TINAG: variants seen among roughly 807,000 people sequenced by gnomAD.
The protein encoded by TINAG is tubulointerstitial nephritis antigen.
Under a neutral mutation model 72.7 loss-of-function variants are expected in TINAG, and 83 were observed. The ratio of observed to expected loss-of-function variants is 1.14; its 90% CI spans 0.96 to 1.37. The LOEUF is 1.37. Among genes scored for constraint, TINAG ranks in the 40% most tolerant of loss-of-function variants. The pLI, the probability that TINAG is intolerant of heterozygous loss-of-function variation, is 0.00. For missense variants in TINAG, 685 were observed against 576.6 expected, an observed-to-expected ratio of 1.19 and a Z score of -1.93; for synonymous variants, 234 against 189.9, an observed-to-expected ratio of 1.23 and a Z score of -1.91.
intron 6 of TINAG, among the ~76,000 whole-genome samples, chr6:54,348,000 A>G (rs937818925): frequency 6.6e-6 from 1 of 152,116 alleles, no homozygotes; most frequent in African/African-American, 2.4e-5. Flanking sequence ...CATTTGATGA[A>G]AAATGGGGGC....
At chr6:54,358,430 G>A (rs145467642) in intron 9 of TINAG, among the ~76,000 whole-genome samples, 1 of 151,388 alleles carries the variant, frequency 6.6e-6, no homozygotes, top group East Asian at 2.0e-4. Flanking sequence ...GATCAGTAAT[G>A]CACTTAATGT....
chr6:54,339,472 T>C (rs1201085551), intron 4 of TINAG, among the ~76,000 whole-genome samples: 1 of 152,178 alleles, frequency 6.6e-6, no homozygotes, highest in Non-Finnish European at 1.5e-5. Context: ...CAGCTGTCTC[T>C]TAAGGAAAGA....
chr6:54,353,873 C>G (rs1324922212), intron 8 of TINAG, among the ~76,000 whole-genome samples: 1 of 151,710 alleles, frequency 6.6e-6, no homozygotes, highest in Admixed American at 6.6e-5. Context: ...CCTGAATTGC[C>G]AAAGCCCTTC....
chr6:54,356,617 GCTCT>G (rs376544969), intron 9 of TINAG, among the ~76,000 whole-genome samples: 13 of 150,702 alleles, frequency 8.6e-5, no homozygotes, highest in African/African-American at 2.2e-4. Context: ...GTCTTCTCTT[GCTCT>G]CTCTCTCTCT....
intron 4 of TINAG, among the ~76,000 whole-genome samples, chr6:54,342,622 C>G (rs1226785045): frequency 1.3e-5 from 2 of 152,134 alleles, no homozygotes; most frequent in Non-Finnish European, 2.9e-5. Context: ...CCCGCCTCAG[C>G]CTCCCAAAGT....
intron 9 of TINAG, among the ~76,000 whole-genome samples, chr6:54,355,663 G>A (rs190729414): frequency 1.3e-5 from 2 of 151,572 alleles, no homozygotes; most frequent in East Asian, 3.9e-4. Context: ...TGAAGAATGT[G>A]ATTTTCATGT....
chr6:54,318,522 T>C (rs904522724), intron 1 of TINAG, among the ~76,000 whole-genome samples: 1 of 152,142 alleles, frequency 6.6e-6, no homozygotes, highest in Non-Finnish European at 1.5e-5. Context: ...ATTATGCTAA[T>C]CCTTCATGCT....
At chr6:54,378,078 G>C (rs916931733) in intron 9 of TINAG, among the ~76,000 whole-genome samples, 1 of 152,112 alleles carries the variant, frequency 6.6e-6, no homozygotes, top group Non-Finnish European at 1.5e-5. Context: ...CAGTGCAAAT[G>C]TTAAATCCTG....
At chr6:54,362,963 T>C (rs529413671) in intron 9 of TINAG, among the ~76,000 whole-genome samples, 17 of 151,690 alleles carry the variant, frequency 1.1e-4, no homozygotes, top group African/African-American at 4.1e-4. Context: ...TTTTATTTTA[T>C]AAAGGAAAGG....
chr6:54,343,176 T>C (rs780020768), intron 4 of TINAG, 50 bp from the exon 5 acceptor site: 3 of 1,410,760 alleles, frequency 2.1e-6, no homozygotes, highest in Non-Finnish European at 2.8e-6. Flanking sequence ...ATTTTCCTAT[T>C]GAGACATATT....
At chr6:54,311,692 C>T (rs12201063) in intron 1 of TINAG, among the ~76,000 whole-genome samples, 28,361 of 152,020 alleles carry the variant, frequency 0.19, 4,041 homozygotes, top group African/African-American at 0.4. Context: ...TTTTTCCTAT[C>T]CACAGCCTTG....
intron 9 of TINAG, among the ~76,000 whole-genome samples, chr6:54,375,793 C>T (rs964761615): frequency 2.0e-5 from 3 of 152,128 alleles, no homozygotes; most frequent in Middle Eastern, 3.2e-3. Context: ...GCTTGAATTG[C>T]AACATAAATC....
chr6:54,322,333 C>CAAA (rs148020265), intron 3 of TINAG, among the ~76,000 whole-genome samples: 1 of 146,782 alleles, frequency 6.8e-6, no homozygotes. Context: ...AACAAACAAA[C>CAAA]AAAAAAAAAA....
chr6:54,378,589 A>T (rs1156925933), intron 9 of TINAG, among the ~76,000 whole-genome samples: 1 of 152,206 alleles, frequency 6.6e-6, no homozygotes, highest in Non-Finnish European at 1.5e-5. Flanking sequence ...CAGTTGAACA[A>T]AAGTAAAAGT....
intron 4 of TINAG, among the ~76,000 whole-genome samples, chr6:54,339,763 T>C (rs1784953156): frequency 6.6e-6 from 1 of 152,204 alleles, no homozygotes; most frequent in Non-Finnish European, 1.5e-5. Context: ...CAGTATCAAA[T>C]AGTTCCAAAA....
intron 1 of TINAG, among the ~76,000 whole-genome samples, chr6:54,309,462 G>A (rs1364596021): frequency 2.0e-5 from 3 of 152,016 alleles, no homozygotes; most frequent in Non-Finnish European, 4.4e-5. Context: ...GTGTATTTTT[G>A]TTTTGCTTCA....
At chr6:54,333,952 C>T (rs1452303959) in intron 4 of TINAG, among the ~76,000 whole-genome samples, 1 of 152,172 alleles carries the variant, frequency 6.6e-6, no homozygotes, top group African/African-American at 2.4e-5. Flanking sequence ...GATGACCTGG[C>T]AAACTCCTTT....
chr6:54,327,152 T>A (rs1024053492), intron 4 of TINAG: 2 of 1,547,648 alleles, frequency 1.3e-6, no homozygotes, highest in African/African-American at 2.7e-5. Context: ...AATGATTGAA[T>A]GGGCTGGCAA....
chr6:54,321,442 T>C, intron 3 of TINAG, 56 bp downstream of exon 3: 1 of 1,205,048 alleles, frequency 8.3e-7, no homozygotes, highest in South Asian at 1.2e-5. Context: ...TATGCAGGTT[T>C]CAATGTATTG....
Sources: allele counts gnomAD v4.1 joint callset (sites outside exome capture counted in the v4.1 genomes callset), GRCh38; gene constraint gnomAD v4.1.1; transcripts MANE v1.5; gene names NCBI Gene and HGNC (gene_info 2026-07-23, HGNC 2026-07-21).